KDM1A: variants seen among roughly 807,000 people sequenced by gnomAD.
KDM1A encodes the protein lysine-specific histone demethylase 1A.
Under a neutral mutation model 109.4 loss-of-function variants are expected in KDM1A, and 49 were observed. That is an observed-to-expected ratio of 0.45 (90% CI 0.36 to 0.57). The LOEUF (loss-of-function observed/expected upper bound fraction) is 0.57. Ranked by LOEUF, KDM1A falls within the 20% of genes least tolerant of loss-of-function variation. KDM1A has a pLI of 0.00. For missense variants in KDM1A, 668 were observed against 1,116.6 expected (o/e 0.60, Z 5.73); for synonymous variants, 380 against 415.4 (o/e 0.91, Z 1.04).
rs567476306 is a variant in KDM1A, at chr1:23,028,329, C to G, written c.352-2140C>G. ...ACAGGCATGAGCCACCACGCCCAGC[C>G]TTCTCAGTACCTTTAATGTGAATTA... On this transcript the variant is annotated intron_variant, in intron 1 of 20. Coordinates refer to ENST00000400181, the MANE Select transcript of KDM1A (RefSeq NM_001009999.3). Among the ~76,000 whole-genome samples the G allele has an allele frequency of 5.9e-5, 9 of 152,298 alleles. No individual in the cohort carries two copies. The East Asian group carries it at 1.7e-3, about 29-fold the overall frequency.
intron 9 of KDM1A, among the ~76,000 whole-genome samples, chr1:23,063,656 C>G (rs1218078794): frequency 2.0e-5 from 3 of 152,108 alleles, no homozygotes; most frequent in African/African-American, 7.2e-5. Flanking sequence ...ATAGTTTTTG[C>G]CCCCTTAATT....
rs536267535 is a variant in KDM1A, at chr1:23,047,118, A to G, written c.577+2632A>G. Among the ~76,000 whole-genome samples, 14 of 152,288 alleles carry G rather than the reference A, an allele frequency of 9.2e-5. No individual in the cohort carries two copies. In the East Asian group the frequency reaches 1.9e-3, roughly 21 times the overall value. On this transcript the variant is annotated intron_variant, in intron 3 of 20. Transcript: ENST00000400181. ...AGTTAGATTATCCAAAATGGTGTCT[A>G]TTACTTCATTTTGGTACTATCCTAT...
At chr1:23,037,672 A>C (rs1356981424) in intron 2 of KDM1A, among the ~76,000 whole-genome samples, 1 of 152,188 alleles carries the variant, frequency 6.6e-6, no homozygotes, top group Non-Finnish European at 1.5e-5. Context: ...TTTCTCCCTA[A>C]AATTGGGTTT....
chr1:23,039,561 G>T (rs1642246543), intron 2 of KDM1A, among the ~76,000 whole-genome samples: 2 of 152,126 alleles, frequency 1.3e-5, no homozygotes, highest in Non-Finnish European at 2.9e-5. Flanking sequence ...TTCAGGTTTG[G>T]GTACTGGAAA....
At chr1:23,070,965 C>T (rs1247081366) in intron 12 of KDM1A, among the ~76,000 whole-genome samples, 3 of 152,140 alleles carry the variant, frequency 2.0e-5, no homozygotes, top group African/African-American at 7.2e-5. Flanking sequence ...TCATCCTTCT[C>T]ATTCGTTTTA....
chr1:23,019,901 C>CA lies in KDM1A; in HGVS notation c.306dup (p.Glu103ArgfsTer23). ...GCGACCCCCATGGAAACTGGAATAG[C>CA]AGAGACTCCGGAGGGGCGTCGGACC... On this transcript the variant is annotated frameshift_variant, in exon 1 of 21. Coordinates refer to ENST00000400181, the MANE Select transcript of KDM1A (RefSeq NM_001009999.3). LOFTEE classifies it high-confidence loss of function. The CA allele has an allele frequency of 6.4e-7, 1 of 1,573,096 alleles. No individual in the cohort carries two copies. Among genetic ancestry groups the CA allele is most frequent in the Non-Finnish European group, 8.6e-7 (1 of 1,162,172 alleles).
In KDM1A at chr1:23,083,462, T is replaced by C; in HGVS notation, c.*98T>C. 8.1e-7 allele frequency: 1 copy of C among 1,230,124 alleles called. No homozygotes were observed. Among genetic ancestry groups the C allele is most frequent in the Non-Finnish European group, 1.1e-6 (1 of 909,898 alleles). 76.2% of individuals were successfully genotyped at this position (1,230,124 alleles called of 1,614,324 possible). A position where few individuals can be genotyped will look rare whatever the true frequency, so the allele number is the denominator to read the frequency against. On this transcript the variant is annotated 3_prime_UTR_variant, in exon 21 of 21. Transcript: ENST00000400181. Reference sequence around the variant, plus strand: ...TAGATCCCACTGAGAAAATCCACCCTGGCATCTGGGCTCCTGATCAGCTGA... The same window carrying C: ...TAGATCCCACTGAGAAAATCCACCCCGGCATCTGGGCTCCTGATCAGCTGA...
intron 19 of KDM1A, chr1:23,081,990 A>C: frequency 1.9e-6 from 1 of 515,736 alleles, no homozygotes; most frequent in East Asian, 3.2e-5. Flanking sequence ...CCCTGTGTAG[A>C]TCTCTGGATT....
Position 23,050,423 on chromosome 1 carries a change from A to T in KDM1A, c.614A>T (p.His205Leu). The T allele has an allele frequency of 6.2e-7, 1 of 1,613,574 alleles. No individual in the cohort carries two copies. Among genetic ancestry groups the T allele is most frequent in the Non-Finnish European group, 8.5e-7 (1 of 1,179,728 alleles). Residue 205 changes from histidine (H) to leucine (L), a missense_variant, in exon 4 of 21, where the codon CAT becomes CTT. This residue lies in a region of KDM1A where 149 missense variants were observed against 189.7 expected (regional missense o/e 0.79). Coordinates refer to ENST00000400181, the MANE Select transcript of KDM1A (RefSeq NM_001009999.3). ...EGAAFQSRLP[H>L]DRMTSQEAAC... ...GCAGCTTTCCAGAGCCGACTTCCTCATGACCGGATGACTTCTCAAGAAGCA... is the reference window on the plus strand; with the variant it reads ...GCAGCTTTCCAGAGCCGACTTCCTCTTGACCGGATGACTTCTCAAGAAGCA...
intron 3 of KDM1A, among the ~76,000 whole-genome samples, chr1:23,044,723 G>A (rs534664399): frequency 2.6e-5 from 4 of 152,152 alleles, no homozygotes; most frequent in African/African-American, 9.7e-5. Flanking sequence ...CGAGGAGATG[G>A]CGGGTACTTT....
At chr1:23,048,402 CAA>C (rs1642563464) in intron 3 of KDM1A, among the ~76,000 whole-genome samples, 1 of 152,102 alleles carries the variant, frequency 6.6e-6, no homozygotes, top group Admixed American at 6.5e-5. Flanking sequence ...GCTCCACCTA[CAA>C]TATGGCTTTT....
In KDM1A at chr1:23,077,365, G is replaced by A. The variant is rs748538503; in HGVS notation, c.1867+5G>A. 1 of 1,609,640 alleles carries A rather than the reference G, an allele frequency of 6.2e-7. No individual in the cohort carries two copies. The highest frequency in any genetic ancestry group is 8.5e-7 in the Non-Finnish European group (1 of 1,177,090). Reference sequence around the variant, plus strand: ...AGGTTCGCTACACGGCTTCAGGTATGTCACTGCTTTACAAAAGGTAAGAGA... The same window carrying A: ...AGGTTCGCTACACGGCTTCAGGTATATCACTGCTTTACAAAAGGTAAGAGA... On this transcript the variant is annotated splice_donor_5th_base_variant and intron_variant, in intron 16 of 20. Coordinates refer to ENST00000400181, the MANE Select transcript of KDM1A (RefSeq NM_001009999.3).
At chr1:23,035,918 G>T (rs1351025633) in intron 2 of KDM1A, among the ~76,000 whole-genome samples, 1 of 152,092 alleles carries the variant, frequency 6.6e-6, no homozygotes, top group Non-Finnish European at 1.5e-5. Flanking sequence ...AAAAAAATAA[G>T]TGGTACTAAT....
At chr1:23,026,636 C>T (rs1641813077) in intron 1 of KDM1A, among the ~76,000 whole-genome samples, 1 of 152,130 alleles carries the variant, frequency 6.6e-6, no homozygotes, top group African/African-American at 2.4e-5. Context: ...CTCACCTCAA[C>T]CTCCCAAAGT....
chr1:23,055,978 C>CTTGG lies in KDM1A; in HGVS notation c.931_934dup (p.Ala312ValfsTer38). 1 of 1,613,072 alleles carries CTTGG rather than the reference C, an allele frequency of 6.2e-7. No individual in the cohort carries two copies. On this transcript the variant is annotated frameshift_variant, in exon 7 of 21. Coordinates refer to ENST00000400181, the MANE Select transcript of KDM1A (RefSeq NM_001009999.3). LOFTEE classifies it high-confidence loss of function. ...TTATTATAGGCTCTGGGGTCTCAGG[C>CTTGG]TTGGCAGCAGCTCGACAGTTACAAA... is the stretch of plus-strand genomic sequence containing the variant.
chr1:23,042,444 T>TATTA (rs1489552808), intron 2 of KDM1A, among the ~76,000 whole-genome samples: 38 of 88,208 alleles, frequency 4.3e-4, no homozygotes, highest in Non-Finnish European at 7.4e-4. Flanking sequence ...TATATTATTT[T>TATTA]TTTTTTTTTT....
intron 1 of KDM1A, chr1:23,020,164 G>A (rs1641579053): frequency 4.5e-6 from 2 of 445,456 alleles, no homozygotes; most frequent in Admixed American, 8.8e-5. Flanking sequence ...TGGGTCCCGA[G>A]CGACGTGGGA....
At chr1:23,059,230 G>C in intron 9 of KDM1A, 63 bp downstream of exon 9, 1 of 1,173,754 alleles carries the variant, frequency 8.5e-7, no homozygotes, top group Non-Finnish European at 1.3e-6. Context: ...AATTTTAGGA[G>C]AATGGTATGG....
intron 9 of KDM1A, among the ~76,000 whole-genome samples, chr1:23,064,455 T>G (rs1175747921): frequency 6.6e-6 from 1 of 152,240 alleles, no homozygotes; most frequent in Non-Finnish European, 1.5e-5. Context: ...CTTTTTCTGA[T>G]TCTTTCTGGG....
Sources: gnomAD v4.1 joint callset for allele counts (sites outside exome capture counted in the v4.1 genomes callset) on GRCh38, gnomAD v4.1.1 for gene constraint, gnomAD v4.1.1 regional missense constraint, MANE v1.5 for transcripts, NCBI Gene and HGNC (gene_info 2026-07-23, HGNC 2026-07-21) for gene names.